SHOC1: variants seen among roughly 807,000 people sequenced by gnomAD.
SHOC1 encodes protein shortage in chiasmata 1 ortholog.
SHOC1 carries 136 observed loss-of-function variants against 179.2 expected under a neutral mutation model. That is an observed-to-expected ratio of 0.76 (90% CI 0.66 to 0.87). The LOEUF is 0.87. SHOC1 is among the 40% of genes least tolerant of loss of function. SHOC1 has a pLI of 0.00. For synonymous variants in SHOC1, 489 were observed against 586.6 expected (o/e 0.83, Z 2.41); for missense variants, 1,538 against 1,700.8 (o/e 0.90, Z 1.68).
intron 3 of SHOC1, 163 bp from the exon 4 acceptor site, chr9:111,781,180 A>T (rs1057023745): frequency 5.0e-6 from 3 of 597,724 alleles, no homozygotes; most frequent in Non-Finnish European, 9.0e-6. Context: ...AGTCATCCTC[A>T]TTATCATCAA....
At chr9:111,770,164 A>C (rs529882652) in intron 5 of SHOC1, among the ~76,000 whole-genome samples, 18 of 152,018 alleles carry the variant, frequency 1.2e-4, no homozygotes, top group Admixed American at 3.3e-4. Flanking sequence ...TTATTGCTAT[A>C]AACTTCCCTC....
At chr9:111,713,354 A>C (rs984999588) in intron 17 of SHOC1, among the ~76,000 whole-genome samples, 182 bp from the exon 18 acceptor site, 1 of 152,252 alleles carries the variant, frequency 6.6e-6, no homozygotes, top group Non-Finnish European at 1.5e-5. Flanking sequence ...TTCTGGTAAG[A>C]TCAAATATCA....
chr9:111,746,013 T>C (rs530949737), intron 10 of SHOC1, among the ~76,000 whole-genome samples: 48 of 152,350 alleles, frequency 3.2e-4, no homozygotes, highest in Non-Finnish European at 4.7e-4. Context: ...ACAAGCAATA[T>C]TACTTGTTTC....
At chr9:111,699,057 A>T (rs1242406094) in intron 24 of SHOC1, among the ~76,000 whole-genome samples, 1 of 152,178 alleles carries the variant, frequency 6.6e-6, no homozygotes, top group Non-Finnish European at 1.5e-5. Context: ...CTAGTGAGTG[A>T]AATATTCACA....
intron 11 of SHOC1, among the ~76,000 whole-genome samples, chr9:111,740,929 G>A (rs551992291): frequency 6.6e-6 from 1 of 152,042 alleles, no homozygotes; most frequent in African/African-American, 2.4e-5. Flanking sequence ...GCTCCTTCAC[G>A]TAGGCTGGAG....
intron 12 of SHOC1, chr9:111,737,880 G>C (rs2131482815): frequency 9.6e-6 from 2 of 208,944 alleles, no homozygotes; most frequent in Middle Eastern, 1.7e-3. Flanking sequence ...TTGTTAAAGA[G>C]TGATATTATT....
At chr9:111,729,361 G>A (rs1015386272) in intron 12 of SHOC1, among the ~76,000 whole-genome samples, 5 of 152,070 alleles carry the variant, frequency 3.3e-5, no homozygotes, top group Admixed American at 2.0e-4. Flanking sequence ...TCCCACATTG[G>A]CCTCCCAAGT....
intron 27 of SHOC1, among the ~76,000 whole-genome samples, 189 bp downstream of exon 27, chr9:111,691,362 A>T (rs1441272922): frequency 6.6e-6 from 1 of 152,234 alleles, no homozygotes; most frequent in Non-Finnish European, 1.5e-5. Flanking sequence ...ACTTAAGGTT[A>T]TAATAATTTA....
intron 23 of SHOC1, among the ~76,000 whole-genome samples, chr9:111,701,379 C>T (rs1200092941): frequency 1.3e-5 from 2 of 152,074 alleles, no homozygotes; most frequent in Admixed American, 1.3e-4. Flanking sequence ...ACATCTTGAA[C>T]ATAAAACTAT....
chr9:111,718,423 G>A, intron 15 of SHOC1, 135 bp from the exon 16 acceptor site: 1 of 463,908 alleles, frequency 2.2e-6, no homozygotes, highest in Non-Finnish European at 3.7e-6. Flanking sequence ...ATATAAGCTG[G>A]CTATTTCATT....
At chr9:111,785,579 C>T (rs952913134) in intron 3 of SHOC1, among the ~76,000 whole-genome samples, 3 of 152,010 alleles carry the variant, frequency 2.0e-5, no homozygotes, top group Non-Finnish European at 4.4e-5. Flanking sequence ...ATTTTATATT[C>T]GGTGTGCCAT....
At position 111,694,311 on chromosome 9, in the gene SHOC1, C is replaced by T. The variant is rs1392428264; in HGVS notation, c.3235G>A (p.Ala1079Thr). 1 of 1,611,400 alleles carries T rather than the reference C, an allele frequency of 6.2e-7. No homozygotes were observed. Among genetic ancestry groups the T allele is most frequent in the East Asian group, 2.2e-5 (1 of 44,762 alleles). ...EATALIIRQI[A>T]DHSLMTSKRD... is the part of the protein sequence containing the mutation. ...TTTGAGGTCATTAAACTGTGGTCAG[C>T]AATTTGTCGAATTATCAAGGCAGTT... The change falls in exon 25 of 28, where the codon GCT becomes ACT. Residue 1079 changes from alanine (A) to threonine (T), a missense_variant. Ala to Thr is a moderately conservative substitution (Grantham distance 58). Coordinates refer to ENST00000682961, the MANE Select transcript of SHOC1 (RefSeq NM_001378211.1).
chr9:111,772,129 A>G (rs1835634035), intron 5 of SHOC1, among the ~76,000 whole-genome samples: 1 of 151,796 alleles, frequency 6.6e-6, no homozygotes, highest in Non-Finnish European at 1.5e-5. Context: ...TGTATTTTCA[A>G]ATAGCTGGTC....
intron 23 of SHOC1, 90 bp downstream of exon 23, chr9:111,702,015 C>A: frequency 1.1e-6 from 1 of 914,232 alleles, no homozygotes; most frequent in Non-Finnish European, 1.6e-6. Flanking sequence ...GATGAGCATG[C>A]AGAAAATTGC....
At chr9:111,690,700 C>A (rs916536887) in intron 27 of SHOC1, among the ~76,000 whole-genome samples, 6 of 152,138 alleles carry the variant, frequency 3.9e-5, no homozygotes. Flanking sequence ...GAATACTTCC[C>A]ATTAAAGTGA....
Position 111,775,784 on chromosome 9 carries a change from G to A in SHOC1, c.442+7C>T, listed in dbSNP as rs766537927. On this transcript the variant is annotated splice_region_variant and intron_variant, in intron 5 of 27. Transcript: ENST00000682961. ...TGTTTTACAACAATATAAAATAAAC[G>A]TTTTACCTTGGTTCTGGTTTTGAAG... 14 of 1,593,962 alleles carry A rather than the reference G, an allele frequency of 8.8e-6. No homozygotes were observed. In the Admixed American group the frequency reaches 9.0e-5, roughly 10 times the overall value.
intron 1 of SHOC1, among the ~76,000 whole-genome samples, chr9:111,794,612 G>C (rs1037638910): frequency 1.3e-5 from 2 of 152,066 alleles, no homozygotes; most frequent in Admixed American, 6.5e-5. Context: ...TAACATGGCA[G>C]AGAAGGCGAG....
At position 111,705,341 on chromosome 9, in the gene SHOC1, C is replaced by T; in HGVS notation, c.2761G>A (p.Gly921Arg). Residue 921 changes from glycine (G) to arginine (R), a missense_variant, in exon 21 of 28, where the codon GGA (glycine) becomes AGA (arginine). By Grantham distance (125) the Gly-to-Arg change is moderately radical. Transcript: ENST00000682961. ...ATCTGAATTTCCAAAAGAAAACCTC[C>T]AAATCTATCCAGCAAGGTGCTTCCT... is the stretch of plus-strand genomic sequence containing the variant. Reference protein sequence around the residue: ...LERSTLLDRFGGFLLEIQIPY... With the variant: ...LERSTLLDRFRGFLLEIQIPY... The T allele has an allele frequency of 1.3e-6, 2 of 1,563,944 alleles. No individual in the cohort carries two copies. The highest frequency in any genetic ancestry group is 1.2e-5 in the South Asian group (1 of 82,824).
intron 21 of SHOC1, among the ~76,000 whole-genome samples, chr9:111,705,038 A>G (rs1406560523): frequency 6.6e-6 from 1 of 152,104 alleles, no homozygotes. Context: ...ATGAGGGTGT[A>G]GTATAGGGAA....
Sources: allele counts gnomAD v4.1 joint callset (sites outside exome capture counted in the v4.1 genomes callset), GRCh38; gene constraint gnomAD v4.1.1; transcripts MANE v1.5; gene names NCBI Gene and HGNC (gene_info 2026-07-23, HGNC 2026-07-21).